Variants in SFT2D1 observed in about 807,000 individuals in gnomAD.
SFT2D1 encodes the protein SFT2 domain containing 1.
In SFT2D1, 24 loss-of-function variants were observed where a neutral mutation model predicts 28.1. That is an observed-to-expected ratio of 0.85 (90% confidence interval 0.62 to 1.20). SFT2D1 has a LOEUF of 1.20. Ranked by LOEUF, SFT2D1 falls within the 50% of genes most tolerant of loss-of-function variation. The probability of loss-of-function intolerance (pLI) is 0.00; values close to 1 mark genes in which losing one functional copy is unlikely to be tolerated. For synonymous variants in SFT2D1, 82 were observed against 73.7 expected (o/e 1.11, Z -0.58); for missense variants, 181 against 190.9 (o/e 0.95, Z 0.31).
Position 166,324,569 on chromosome 6 carries a change from T to C in SFT2D1, c.378A>G (p.Leu126=), listed in dbSNP as rs1430881586. The C allele has an allele frequency of 1.2e-6, 2 of 1,613,048 alleles. No individual in the cohort carries two copies. Among genetic ancestry groups the C allele is most frequent in the Admixed American group, 3.4e-5 (2 of 59,400 alleles). ...LWWHKKGLAV[L]FCILQFLSMT... is the part of the protein sequence containing the mutation. Reference sequence around the variant, plus strand: ...TTGACAAGAACTGCAATATGCAGAATAACACAGCCAGTCCCTTCTTATGCC... The same window carrying C: ...TTGACAAGAACTGCAATATGCAGAACAACACAGCCAGTCCCTTCTTATGCC... The change falls in exon 6 of 8, where the codon TTA becomes TTG. Residue 126 remains leucine (L), a synonymous_variant. Coordinates refer to ENST00000361731, the MANE Select transcript of SFT2D1 (RefSeq NM_145169.3).
At chr6:166,320,615 G>A (rs1778334968) in intron 7 of SFT2D1, among the ~76,000 whole-genome samples, 1 of 151,296 alleles carries the variant, frequency 6.6e-6, no homozygotes, top group Admixed American at 6.6e-5. Flanking sequence ...GCAGTGGCGT[G>A]AGCAGATCCT....
chr6:166,341,949 C>A (rs1042450475), intron 1 of SFT2D1, among the ~76,000 whole-genome samples: 1 of 152,116 alleles, frequency 6.6e-6, no homozygotes, highest in African/African-American at 2.4e-5. Context: ...TTCCAAAAGA[C>A]CACCCCCCAG....
At chr6:166,329,668 T>C in intron 2 of SFT2D1, 79 bp from the exon 3 acceptor site, 3 of 1,106,748 alleles carry the variant, frequency 2.7e-6, no homozygotes, top group Non-Finnish European at 3.9e-6. Flanking sequence ...ACTGCAGTAA[T>C]ACAATACCAA....
chr6:166,320,366 A>G (rs2114885499), intron 7 of SFT2D1, 110 bp from the exon 8 acceptor site: 1 of 765,286 alleles, frequency 1.3e-6, no homozygotes, highest in Non-Finnish European at 2.1e-6. Context: ...TGGATGCTCC[A>G]ACACACTTTT....
At chr6:166,333,042 T>A (rs552553211) in intron 1 of SFT2D1, among the ~76,000 whole-genome samples, 1 of 152,112 alleles carries the variant, frequency 6.6e-6, no homozygotes, top group Non-Finnish European at 1.5e-5. Context: ...CATCTAAACA[T>A]AGGAAACACT....
chr6:166,333,216 A>G (rs1370525992), intron 1 of SFT2D1, among the ~76,000 whole-genome samples: 1 of 152,052 alleles, frequency 6.6e-6, no homozygotes, highest in East Asian at 1.9e-4. Context: ...CGCTCCCCAC[A>G]CCCGCTGCTG....
rs1253057806 is a variant in SFT2D1 at position 166,329,871 on chromosome 6, C to T, written c.151-282G>A. On this transcript the variant is annotated intron_variant, in intron 2 of 7. Coordinates refer to ENST00000361731, the MANE Select transcript of SFT2D1 (RefSeq NM_145169.3). ...AGTCTATTTAAGTTAAATTTTCATG[C>T]TAAATACCAAGTATGAAAAGGTAAT... Among the ~76,000 whole-genome samples the T allele has an allele frequency of 2.0e-5, 3 of 152,118 alleles. No individual in the cohort carries two copies. In the East Asian group the frequency reaches 5.8e-4, roughly 29 times the overall value.
At chr6:166,326,595 C>T (rs111481935) in intron 4 of SFT2D1, among the ~76,000 whole-genome samples, 50 of 152,170 alleles carry the variant, frequency 3.3e-4, no homozygotes, top group Non-Finnish European at 6.8e-4. Flanking sequence ...TTCCTACCTA[C>T]CTGCTTTAAA....
At chr6:166,335,158 C>T (rs1386322070) in intron 1 of SFT2D1, 9 of 616,178 alleles carry the variant, frequency 1.5e-5, no homozygotes, top group African/African-American at 1.8e-5. Context: ...CCAAAGAGGT[C>T]GAAGTGCTTC....
At chr6:166,328,170 AAT>A in intron 4 of SFT2D1, 104 bp downstream of exon 4, 18 of 484,400 alleles carry the variant, frequency 3.7e-5, no homozygotes, top group Non-Finnish European at 5.0e-5. Context: ...AATAAAAAAA[AAT>A]AAAAATAAAA....
intron 1 of SFT2D1, chr6:166,335,489 C>T (rs749656519): frequency 2.9e-5 from 15 of 515,790 alleles, no homozygotes; most frequent in Non-Finnish European, 5.7e-5. Flanking sequence ...CTTTACTTTA[C>T]AAAACCAAGG....
intron 7 of SFT2D1, among the ~76,000 whole-genome samples, 163 bp downstream of exon 7, chr6:166,322,694 A>T (rs1778378959): frequency 6.7e-6 from 1 of 149,486 alleles, no homozygotes; most frequent in African/African-American, 2.5e-5. Context: ...TGTCTCAAAA[A>T]AAAAAAAAAA....
intron 1 of SFT2D1, among the ~76,000 whole-genome samples, chr6:166,340,424 T>G (rs1778754269): frequency 6.6e-6 from 1 of 152,184 alleles, no homozygotes; most frequent in Non-Finnish European, 1.5e-5. Flanking sequence ...CCCTCACAAT[T>G]GAGAATCCCC....
At chr6:166,334,637 C>T (rs535765494) in intron 1 of SFT2D1, 4 of 201,026 alleles carry the variant, frequency 2.0e-5, no homozygotes, top group Admixed American at 5.4e-5. Context: ...TGTGGAATCT[C>T]GGCACTGGAG....
chr6:166,329,691 T>A, intron 2 of SFT2D1, 102 bp from the exon 3 acceptor site: 1 of 916,818 alleles, frequency 1.1e-6, no homozygotes, highest in Non-Finnish European at 1.6e-6. Context: ...TTATGTAATA[T>A]GTTTAAATAC....
intron 6 of SFT2D1, 124 bp from the exon 7 acceptor site, chr6:166,323,010 G>C: frequency 2.8e-6 from 2 of 722,598 alleles, no homozygotes; most frequent in Non-Finnish European, 4.8e-6. Flanking sequence ...TTCTCAAAGT[G>C]TGACCCCGAC....
intron 4 of SFT2D1, among the ~76,000 whole-genome samples, chr6:166,326,744 G>A (rs1583035689): frequency 1.3e-5 from 2 of 152,170 alleles, no homozygotes; most frequent in African/African-American, 2.4e-5. Flanking sequence ...ATCAAACCAC[G>A]CAAAGTGCTC....
intron 1 of SFT2D1, 85 bp downstream of exon 1, chr6:166,342,334 A>ACCCAC (rs1372715066): frequency 7.7e-7 from 1 of 1,299,902 alleles, no homozygotes; most frequent in East Asian, 2.7e-5. Flanking sequence ...CCGGCCTCGC[A>ACCCAC]CCCACCCCAC....
At chr6:166,341,538 A>C (rs1380291084) in intron 1 of SFT2D1, among the ~76,000 whole-genome samples, 2 of 152,114 alleles carry the variant, frequency 1.3e-5, no homozygotes, top group East Asian at 3.8e-4. Context: ...TACTTGTCTT[A>C]CACTCTCTGA....
Sources: allele counts gnomAD v4.1 joint callset (sites outside exome capture counted in the v4.1 genomes callset), GRCh38; gene constraint gnomAD v4.1.1; transcripts MANE v1.5; gene names NCBI Gene and HGNC (gene_info 2026-07-23, HGNC 2026-07-21).